RNF175: variants seen among roughly 807,000 people sequenced by gnomAD.
RNF175 encodes ring finger protein 175.
RNF175 carries 38 observed loss-of-function variants against 50.0 expected under a neutral mutation model. The ratio of observed to expected loss-of-function variants is 0.76; its 90% confidence interval spans 0.59 to 1.00. RNF175 has a LOEUF of 1.00. Ranked by LOEUF, RNF175 falls within the 50% of genes least tolerant of loss-of-function variation. The pLI, the probability that RNF175 is intolerant of heterozygous loss-of-function variation, is 0.00. For missense variants in RNF175, 388 were observed against 409.6 expected, an observed-to-expected ratio of 0.95 and a Z score of 0.46; for synonymous variants, 155 against 146.1, an observed-to-expected ratio of 1.06 and a Z score of -0.44.
chr4:153,712,400 A>G, intron 8 of RNF175, 75 bp downstream of exon 8: 1 of 1,013,794 alleles, frequency 9.9e-7, no homozygotes, highest in Non-Finnish European at 1.5e-6. Flanking sequence ...AAAAACACTG[A>G]AACTTTTCAT....
At chr4:153,730,018 A>G (rs1028234956) in intron 3 of RNF175, among the ~76,000 whole-genome samples, 12 of 152,188 alleles carry the variant, frequency 7.9e-5, no homozygotes, top group Non-Finnish European at 1.5e-4. Context: ...CACAAATAGG[A>G]AAAACAAGCT....
At chr4:153,753,040 T>A (rs13121180) in intron 1 of RNF175, among the ~76,000 whole-genome samples, 41,791 of 151,790 alleles carry the variant, frequency 0.28, 6,462 homozygotes, top group South Asian at 0.41. Flanking sequence ...CAAAAGGACA[T>A]AAACCTCCAA....
chr4:153,736,540 G>A (rs1739360381), intron 3 of RNF175, among the ~76,000 whole-genome samples: 1 of 152,156 alleles, frequency 6.6e-6, no homozygotes, highest in South Asian at 2.1e-4. Flanking sequence ...GAATTTGCAA[G>A]TACTCCCTCT....
chr4:153,747,812 G>A (rs150222874), intron 3 of RNF175, among the ~76,000 whole-genome samples: 13 of 152,248 alleles, frequency 8.5e-5, no homozygotes, highest in Admixed American at 3.9e-4. Context: ...CCACTTCTTC[G>A]TATCAATTTT....
Position 153,759,923 on chromosome 4 carries a change from C to T in RNF175, c.-61G>A, listed in dbSNP as rs1221772784. On this transcript the variant is annotated 5_prime_UTR_variant, in exon 1 of 9. Coordinates refer to ENST00000347063, the MANE Select transcript of RNF175 (RefSeq NM_173662.4). ...CTGCCGGGGAGGGTCCCGCAGAGTC[C>T]GCAGAAGGAGGCGCCGCGGGGCCTC... 2.8e-6 allele frequency: 3 copies of T among 1,071,354 alleles called. No individual in the cohort carries two copies. The highest frequency in any genetic ancestry group is 3.3e-5 in the African/African-American group (2 of 60,256). The allele number at this position is 1,071,354 out of a possible 1,614,324, so 66.4% of individuals were successfully genotyped here.
At chr4:153,718,181 G>A (rs1377551718) in intron 6 of RNF175, among the ~76,000 whole-genome samples, 2 of 147,556 alleles carry the variant, frequency 1.4e-5, no homozygotes, top group Non-Finnish European at 3.0e-5. Flanking sequence ...GTTTTGGATG[G>A]CTTAATAGCT....
chr4:153,755,226 G>C (rs1470378240), intron 1 of RNF175, among the ~76,000 whole-genome samples: 1 of 152,252 alleles, frequency 6.6e-6, no homozygotes, highest in Admixed American at 6.5e-5. Flanking sequence ...CCCTTACACA[G>C]GGAATGAATC....
In RNF175 at chr4:153,759,819, T is replaced by A. The variant is rs1740741978; in HGVS notation, c.44A>T (p.Glu15Val). ...TACCTGCTCCTGCTGCGGGGGGGCCTCCAGCACCGGCGCTGCCTTCCGCGC... is the reference window on the plus strand; with the variant it reads ...TACCTGCTCCTGCTGCGGGGGGGCCACCAGCACCGGCGCTGCCTTCCGCGC... ...TAARKAAPVL[E>V]APPQQEQLSH... Residue 15 changes from glutamate to valine, a missense_variant, in exon 1 of 9, where the codon GAG (glutamate) becomes GTG (valine). Coordinates refer to ENST00000347063, the MANE Select transcript of RNF175 (RefSeq NM_173662.4). 4.8e-6 allele frequency: 7 copies of A among 1,473,604 alleles called. No homozygotes were observed. Among genetic ancestry groups the A allele is most frequent in the Non-Finnish European group, 6.2e-6 (7 of 1,120,370 alleles). 91.3% of individuals were successfully genotyped at this position (1,473,604 alleles called of 1,614,324 possible).
chr4:153,710,580 G>A, intron 8 of RNF175, 91 bp from the exon 9 acceptor site: 3 of 1,211,292 alleles, frequency 2.5e-6, no homozygotes, highest in Non-Finnish European at 3.5e-6. Flanking sequence ...ACAATGTAAT[G>A]AATGGGTATT....
chr4:153,715,285 G>C (rs1004437772), intron 7 of RNF175: 5 of 541,132 alleles, frequency 9.2e-6, no homozygotes, highest in African/African-American at 7.6e-5. Context: ...CTGCCTTCCT[G>C]TCTATGTGGC....
chr4:153,740,502 T>G (rs1031044156), intron 3 of RNF175, among the ~76,000 whole-genome samples: 10 of 152,180 alleles, frequency 6.6e-5, no homozygotes, highest in Admixed American at 2.6e-4. Flanking sequence ...ATTCAATACG[T>G]TTATGTTAAC....
chr4:153,726,859 C>A (rs1738728287), intron 4 of RNF175, among the ~76,000 whole-genome samples: 1 of 152,188 alleles, frequency 6.6e-6, no homozygotes. Context: ...AGACTATCCT[C>A]TAGGGCTTGG....
chr4:153,758,983 C>G (rs1740690528), intron 1 of RNF175, among the ~76,000 whole-genome samples: 1 of 152,156 alleles, frequency 6.6e-6, no homozygotes, highest in South Asian at 2.1e-4. Context: ...ACATTAATCT[C>G]TTCCTACCCG....
chr4:153,747,190 T>G (rs1445730534), intron 3 of RNF175, among the ~76,000 whole-genome samples: 1 of 152,226 alleles, frequency 6.6e-6, no homozygotes, highest in East Asian at 1.9e-4. Context: ...TCTAGCTGTG[T>G]TAATCCCCTT....
At chr4:153,718,545 G>A (rs1293246944) in intron 6 of RNF175, among the ~76,000 whole-genome samples, 1 of 152,048 alleles carries the variant, frequency 6.6e-6, no homozygotes, top group African/African-American at 2.4e-5. Context: ...CCAAAAGCTG[G>A]TGCTTAAAGA....
At chr4:153,753,904 C>G (rs1023098693) in intron 1 of RNF175, among the ~76,000 whole-genome samples, 3 of 150,844 alleles carry the variant, frequency 2.0e-5, no homozygotes, top group Non-Finnish European at 4.4e-5. Context: ...GGCGTGGTGG[C>G]TCACACCTGT....
At chr4:153,728,647 A>G (rs1738854054) in intron 3 of RNF175, among the ~76,000 whole-genome samples, 1 of 152,144 alleles carries the variant, frequency 6.6e-6, no homozygotes, top group South Asian at 2.1e-4. Context: ...GGGCCTCCAT[A>G]GAGATGTGAT....
chr4:153,735,839 T>C (rs958884925), intron 3 of RNF175, among the ~76,000 whole-genome samples: 1 of 152,260 alleles, frequency 6.6e-6, no homozygotes, highest in East Asian at 1.9e-4. Flanking sequence ...ATATTTACTT[T>C]GTATCTTCCA....
chr4:153,750,592 G>C (rs1051093706), intron 2 of RNF175, among the ~76,000 whole-genome samples: 1 of 152,116 alleles, frequency 6.6e-6, no homozygotes, highest in Non-Finnish European at 1.5e-5. Flanking sequence ...ATAAAATTAC[G>C]TGGCTCTTAG....
Sources: allele counts gnomAD v4.1 joint callset (sites outside exome capture counted in the v4.1 genomes callset), GRCh38; gene constraint gnomAD v4.1.1; transcripts MANE v1.5; gene names NCBI Gene and HGNC (gene_info 2026-07-23, HGNC 2026-07-21).